The following S100Z variants were observed in gnomAD, a reference collection of about 807,000 sequenced individuals.
S100Z encodes S100 calcium binding protein Z.
A neutral mutation model predicts 8.5 loss-of-function variants in S100Z; 11 were observed. That is an observed-to-expected ratio of 1.30 (90% CI 0.82 to 2.15). The LOEUF is 2.15. Ranked by LOEUF, S100Z falls within the 30% of genes most tolerant of loss-of-function variation. The pLI is 0.00. For synonymous variants in S100Z, 34 were observed against 43.8 expected (o/e 0.78, Z 0.89); for missense variants, 126 against 117.9 (o/e 1.07, Z -0.32).
At chr5:76,885,912 A>G (rs375002029) in intron 4 of S100Z, among the ~76,000 whole-genome samples, 125 of 67,754 alleles carry the variant, frequency 1.8e-3, no homozygotes, top group African/African-American at 4.4e-3. Flanking sequence ...GGAGAGAAGG[A>G]GTGGGGGGTG....
intron 4 of S100Z, among the ~76,000 whole-genome samples, chr5:76,889,345 T>A (rs1321252140): frequency 1.3e-5 from 2 of 152,218 alleles, no homozygotes; most frequent in African/African-American, 4.8e-5. Flanking sequence ...GCCGTATCAT[T>A]TAGAAGAAAA....
intron 1 of S100Z, among the ~76,000 whole-genome samples, chr5:76,863,628 T>C (rs1579996615): frequency 2.6e-5 from 4 of 152,208 alleles, no homozygotes; most frequent in African/African-American, 9.6e-5. Flanking sequence ...AAGCTCCGCC[T>C]CCCGGGTTCA....
chr5:76,910,963 CT>C (rs1357126527), intron 4 of S100Z, among the ~76,000 whole-genome samples: 1 of 152,180 alleles, frequency 6.6e-6, no homozygotes, highest in Non-Finnish European at 1.5e-5. Context: ...GTCCCACACC[CT>C]TATTAGGGAG....
chr5:76,900,967 G>A (rs1367712144), intron 4 of S100Z, among the ~76,000 whole-genome samples: 1 of 150,616 alleles, frequency 6.6e-6, no homozygotes, highest in Non-Finnish European at 1.5e-5. Flanking sequence ...TGTGGTTCTT[G>A]CAGAATTGTA....
chr5:76,903,728 GTTGTTTTTTTTTT>G (rs1744315851), intron 4 of S100Z, among the ~76,000 whole-genome samples: 1 of 137,642 alleles, frequency 7.3e-6, no homozygotes, highest in African/African-American at 3.3e-5. Context: ...TTCTTTTTTT[GTTGTTTTTTTTTT>G]TTGAGACAGA....
At chr5:76,906,974 GTGTATATATATATA>G (rs1283627602) in intron 4 of S100Z, among the ~76,000 whole-genome samples, 3 of 114,716 alleles carry the variant, frequency 2.6e-5, no homozygotes, top group African/African-American at 1.6e-4. Context: ...CATTGTGTGT[GTGTATATATATATA>G]TATATATATA....
chr5:76,942,433 C>CAAAAA, the S100Z span, among the ~76,000 whole-genome samples: 2 of 113,230 alleles, frequency 1.8e-5, no homozygotes, highest in African/African-American at 3.2e-5. Flanking sequence ...TTATATTGGC[C>CAAAAA]AAAAAAAAAA....
intron 4 of S100Z, among the ~76,000 whole-genome samples, chr5:76,914,379 C>CACCAATCCGCACTCTGTAAAAACGG (rs1744782055): frequency 7.7e-6 from 1 of 129,982 alleles, no homozygotes; most frequent in Non-Finnish European, 1.6e-5. Context: ...TTTGTAAACA[C>CACCAATCCGCACTCTGTAAAAACGG]ACCAATCAGC....
At chr5:76,924,317 T>C (rs1745097935), downstream of S100Z, among the ~76,000 whole-genome samples, 1 of 152,234 alleles carries the variant, frequency 6.6e-6, no homozygotes, top group Non-Finnish European at 1.5e-5. Context: ...ATCATCCTCC[T>C]GGGATTCCCT....
intron 1 of S100Z, among the ~76,000 whole-genome samples, chr5:76,861,857 C>T (rs1751065548): frequency 6.6e-6 from 1 of 152,170 alleles, no homozygotes; most frequent in Non-Finnish European, 1.5e-5. Flanking sequence ...TTTTCACTCC[C>T]TATTTTCAGA....
intron 4 of S100Z, among the ~76,000 whole-genome samples, chr5:76,889,194 A>G (rs1743770115): frequency 6.6e-6 from 1 of 152,264 alleles, no homozygotes; most frequent in East Asian, 1.9e-4. Context: ...GTCTCTGTAC[A>G]GGCGAGCTTC....
intron 1 of S100Z, among the ~76,000 whole-genome samples, chr5:76,856,368 G>A (rs1165786089): frequency 4.6e-5 from 7 of 152,058 alleles, no homozygotes; most frequent in African/African-American, 1.4e-4. Context: ...CCTGGCCAAT[G>A]TTTGTATTTT....
downstream of S100Z, among the ~76,000 whole-genome samples, chr5:76,923,643 C>T (rs1034501392): frequency 2.6e-5 from 4 of 152,180 alleles, no homozygotes; most frequent in African/African-American, 9.7e-5. Flanking sequence ...TCAGATTTTG[C>T]TTTGAGATGG....
At chr5:76,889,376 C>T (rs1042846311) in intron 4 of S100Z, among the ~76,000 whole-genome samples, 1 of 152,182 alleles carries the variant, frequency 6.6e-6, no homozygotes, top group Admixed American at 6.5e-5. Flanking sequence ...AAATTGAACA[C>T]ATATGTTGGA....
chr5:76,854,241 C>T (rs974224442), intron 1 of S100Z, among the ~76,000 whole-genome samples: 5 of 152,064 alleles, frequency 3.3e-5, no homozygotes, highest in South Asian at 2.1e-4. Context: ...AATGTGAAAG[C>T]GACTTTGGAA....
intron 4 of S100Z, among the ~76,000 whole-genome samples, chr5:76,891,661 G>A (rs1056451551): frequency 2.0e-5 from 3 of 152,168 alleles, no homozygotes; most frequent in Admixed American, 6.6e-5. Flanking sequence ...TGGAAGTATG[G>A]AGGAGTCGTT....
At chr5:76,933,377 T>G in the S100Z span, among the ~76,000 whole-genome samples, 148,188 of 152,308 alleles carry the variant, frequency 0.97, 72,194 homozygotes, top group Non-Finnish European at 1. Context: ...TTCGAGAGGA[T>G]TTCTAGAATT....
At chr5:76,875,050 G>A (rs760891893) in intron 2 of S100Z, among the ~76,000 whole-genome samples, 1 of 152,066 alleles carries the variant, frequency 6.6e-6, no homozygotes, top group Non-Finnish European at 1.5e-5. Context: ...CGCCGCGCCC[G>A]GCTAATTTTT....
At chr5:76,909,618 G>T (rs559998918) in intron 4 of S100Z, among the ~76,000 whole-genome samples, 1 of 151,892 alleles carries the variant, frequency 6.6e-6, no homozygotes, top group Admixed American at 6.6e-5. Context: ...AATCTCCCCC[G>T]CCCAGAAGGA....
Sources: gnomAD v4.1 joint callset for allele counts (sites outside exome capture counted in the v4.1 genomes callset) on GRCh38, gnomAD v4.1.1 for gene constraint, MANE v1.5 for transcripts, NCBI Gene and HGNC (gene_info 2026-07-23, HGNC 2026-07-21) for gene names.